The following SLC23A2 variants were observed in gnomAD, a reference collection of about 807,000 sequenced individuals.
The protein encoded by SLC23A2 is solute carrier family 23 member 2.
Under a neutral mutation model 73.3 loss-of-function variants are expected in SLC23A2, and 36 were observed. The ratio of observed to expected loss-of-function variants is 0.49; its 90% CI spans 0.38 to 0.65. SLC23A2 has a LOEUF of 0.65. Among genes scored for constraint, SLC23A2 ranks in the 30% least tolerant of loss-of-function variants. The pLI is 0.00. For missense variants in SLC23A2, 507 were observed against 841.6 expected (o/e 0.60, Z 4.92); for synonymous variants, 343 against 327.3 (o/e 1.05, Z -0.52).
At chr20:4,988,105 C>T (rs999818792) in intron 1 of SLC23A2, among the ~76,000 whole-genome samples, 3 of 151,742 alleles carry the variant, frequency 2.0e-5, no homozygotes, top group Non-Finnish European at 4.4e-5. Flanking sequence ...TCAAAACAAG[C>T]CTGGCCAACA....
chr20:4,853,547 C>T lies in SLC23A2; in HGVS notation c.*3425G>A, dbSNP rs1929602721. 1 of 152,652 alleles carries T rather than the reference C, an allele frequency of 6.6e-6. No homozygotes were observed. Among genetic ancestry groups the T allele is most frequent in the Non-Finnish European group, 1.5e-5 (1 of 68,050 alleles). The allele number at this position is 152,652 out of a possible 1,614,324, so 9.5% of individuals were successfully genotyped here. A position where few individuals can be genotyped will look rare whatever the true frequency, so the allele number is the denominator to read the frequency against. On this transcript the variant is annotated 3_prime_UTR_variant, in exon 17 of 17. Coordinates refer to ENST00000338244, the MANE Select transcript of SLC23A2 (RefSeq NM_005116.6). ...CATCAATGGAGAAATTCTATCATCA[C>T]ATGACATTGTCATGAAAATTATATC...
intron 1 of SLC23A2, among the ~76,000 whole-genome samples, chr20:4,973,886 G>C (rs2087603496): frequency 6.6e-6 from 1 of 152,272 alleles, no homozygotes; most frequent in East Asian, 1.9e-4. Context: ...ATGTGCAAAA[G>C]TACATACTAC....
At chr20:4,997,375 G>A (rs964634805) in intron 1 of SLC23A2, among the ~76,000 whole-genome samples, 5 of 151,134 alleles carry the variant, frequency 3.3e-5, no homozygotes, top group Non-Finnish European at 5.9e-5. Context: ...CCTGCCTCAG[G>A]GCCTTTGTAT....
In SLC23A2 at chr20:4,981,492, G is replaced by GCAT. The variant is rs148248536; in HGVS notation, c.-281-10576_-281-10574dup. ...GCTCGGGCTGAATTTCTCATCAACT[G>GCAT]CATCCTGGTCTCATGGATGTGGCCA... is the stretch of plus-strand genomic sequence containing the variant. On this transcript the variant is annotated intron_variant, in intron 1 of 16. Coordinates refer to ENST00000338244, the MANE Select transcript of SLC23A2 (RefSeq NM_005116.6). 2.1e-3 allele frequency among the ~76,000 whole-genome samples: 318 copies of GCAT among 152,264 alleles called. 2 individuals carry two copies. The highest frequency in any genetic ancestry group is 7.1e-3 in the African/African-American group (297 of 41,560).
rs920319333 is a variant in SLC23A2 at position 4,863,652 on chromosome 20, T to C, written c.1357-745A>G. Among the ~76,000 whole-genome samples the C allele has an allele frequency of 2.6e-5, 4 of 152,116 alleles. No individual in the cohort carries two copies. The highest frequency in any genetic ancestry group is 4.4e-5 in the Non-Finnish European group (3 of 68,010). On this transcript the variant is annotated intron_variant, in intron 13 of 16. Transcript: ENST00000338244. This position sits in a 1 kb window ranked among gnomAD's most constrained non-coding sequence, Gnocchi z 4.8. ...GGGGTCACCTTTCTAACACATGAAA[T>C]TGGGGAGGCTGGTCCCCTGCTTGCA... is the stretch of plus-strand genomic sequence containing the variant.
At chr20:5,007,176 T>C (rs1250686185) in intron 1 of SLC23A2, among the ~76,000 whole-genome samples, 2 of 152,092 alleles carry the variant, frequency 1.3e-5, no homozygotes, top group Non-Finnish European at 2.9e-5. Context: ...TTTTGAAATA[T>C]AATTCATGTA....
intron 4 of SLC23A2, among the ~76,000 whole-genome samples, chr20:4,908,130 CA>C (rs1363483673): frequency 1.3e-5 from 2 of 152,156 alleles, no homozygotes; most frequent in African/African-American, 2.4e-5. Context: ...GCTCCCAAAT[CA>C]GAAACCAAAA....
chr20:4,982,166 T>A (rs1043340100), intron 1 of SLC23A2, among the ~76,000 whole-genome samples: 3 of 151,574 alleles, frequency 2.0e-5, no homozygotes, highest in African/African-American at 7.3e-5. Flanking sequence ...AGCTAATTTT[T>A]GTATTTTTAG....
At chr20:4,969,025 T>A (rs2087519825) in intron 2 of SLC23A2, among the ~76,000 whole-genome samples, 1 of 151,830 alleles carries the variant, frequency 6.6e-6, no homozygotes, top group Non-Finnish European at 1.5e-5. Flanking sequence ...CCGGCCTTGT[T>A]TTGTTTTTAG....
chr20:4,878,325 T>A (rs926806216), intron 9 of SLC23A2, among the ~76,000 whole-genome samples: 4 of 152,124 alleles, frequency 2.6e-5, no homozygotes, highest in Non-Finnish European at 5.9e-5. Flanking sequence ...TAGCTGAGAT[T>A]ACAGGTGCCC....
intron 13 of SLC23A2, among the ~76,000 whole-genome samples, chr20:4,866,257 A>G (rs1439185755): frequency 6.6e-6 from 1 of 152,262 alleles, no homozygotes; most frequent in African/African-American, 2.4e-5. Flanking sequence ...AAGTTTGTAC[A>G]TGCTCACCCA....
At chr20:4,978,926 C>T (rs1031984456) in intron 1 of SLC23A2, among the ~76,000 whole-genome samples, 4 of 152,130 alleles carry the variant, frequency 2.6e-5, no homozygotes, top group Admixed American at 2.6e-4. Flanking sequence ...TTATTTAAGG[C>T]TATTATCTAA....
chr20:4,976,623 C>T lies in SLC23A2; in HGVS notation c.-281-5704G>A, dbSNP rs1023360189. ...CCCGGAGGCAGAGGCTGCAGTGCGC[C>T]GAGATCATGGCATTGCACTCCAGCC... On this transcript the variant is annotated intron_variant, in intron 1 of 16. Transcript: ENST00000338244. 4.0e-5 allele frequency among the ~76,000 whole-genome samples: 6 copies of T among 150,734 alleles called. No homozygotes were observed. In the East Asian group the frequency reaches 7.8e-4, roughly 20 times the overall value.
intron 1 of SLC23A2, among the ~76,000 whole-genome samples, chr20:5,008,128 T>G (rs1298275517): frequency 6.6e-6 from 1 of 152,176 alleles, no homozygotes; most frequent in East Asian, 1.9e-4. Context: ...CAGGCTGCTC[T>G]CGAACTCCTG....
intron 3 of SLC23A2, among the ~76,000 whole-genome samples, chr20:4,920,851 T>G (rs1932480303): frequency 6.6e-6 from 1 of 152,188 alleles, no homozygotes; most frequent in South Asian, 2.1e-4. Context: ...TGGTTCTCCC[T>G]CTATTCCCTC....
intron 2 of SLC23A2, among the ~76,000 whole-genome samples, chr20:4,961,554 A>T (rs6084944): frequency 0.49 from 74,647 of 151,928 alleles, 18,695 homozygotes; most frequent in East Asian, 0.59. Context: ...CGATTTTTTT[A>T]AAGCTCATCA....
At chr20:4,965,600 C>T (rs372821900) in intron 2 of SLC23A2, among the ~76,000 whole-genome samples, 11 of 151,962 alleles carry the variant, frequency 7.2e-5, no homozygotes, top group South Asian at 4.2e-4. Context: ...AGCAAAACCC[C>T]GTCTCTACAA....
chr20:4,995,704 C>T (rs1032294985), intron 1 of SLC23A2, among the ~76,000 whole-genome samples: 5 of 152,144 alleles, frequency 3.3e-5, no homozygotes, highest in Admixed American at 2.0e-4. Flanking sequence ...GGCAACTGAC[C>T]GGCCTAGGGT....
At chr20:4,936,368 G>T (rs1023667687) in intron 2 of SLC23A2, among the ~76,000 whole-genome samples, 1 of 152,086 alleles carries the variant, frequency 6.6e-6, no homozygotes, top group African/African-American at 2.4e-5. Context: ...ACATTCCAAG[G>T]GACCAATAAG....
Sources: allele counts gnomAD v4.1 joint callset (sites outside exome capture counted in the v4.1 genomes callset), GRCh38; gene constraint gnomAD v4.1.1; non-coding constraint Gnocchi (gnomAD v3.1); transcripts MANE v1.5; gene names NCBI Gene and HGNC (gene_info 2026-07-23, HGNC 2026-07-21).